ZFAND4: variants seen among roughly 807,000 people sequenced by gnomAD.
ZFAND4 encodes zinc finger AN1-type containing 4.
A neutral mutation model predicts 64.4 loss-of-function variants in ZFAND4; 43 were observed. The ratio of observed to expected loss-of-function variants is 0.67; its 90% CI spans 0.52 to 0.86. The LOEUF is 0.86. Ranked by LOEUF, ZFAND4 falls within the 40% of genes least tolerant of loss-of-function variation. The pLI is 0.00. For missense variants in ZFAND4, 929 were observed against 859.8 expected, an observed-to-expected ratio of 1.08 and a Z score of -1.01; for synonymous variants, 296 against 305.7, an observed-to-expected ratio of 0.97 and a Z score of 0.33.
At chr10:45,620,750 A>C (rs2133518514) in intron 8 of ZFAND4, 1 of 152,334 alleles carries the variant, frequency 6.6e-6, no homozygotes, top group South Asian at 2.1e-4. Flanking sequence ...AACTATCCAG[A>C]GACACTGTAA....
rs1197460081 is a variant in ZFAND4, at chr10:45,616,358, AAAAT to A, written c.*74_*77del. The A allele has an allele frequency of 3.2e-6, 5 of 1,547,892 alleles. No individual in the cohort carries two copies. In the South Asian group the frequency reaches 5.0e-5, roughly 15 times the overall value. On this transcript the variant is annotated 3_prime_UTR_variant, in exon 10 of 10. Coordinates refer to ENST00000344646, the MANE Select transcript of ZFAND4 (RefSeq NM_174890.4). ...TTGGCAAATCTTTTAGAGTCGAACA[AAAAT>A]AATAGTCTAAACAACATTTCTTCTG...
intron 6 of ZFAND4, 54 bp from the exon 7 acceptor site, chr10:45,627,159 A>C (rs1035104581): frequency 2.8e-6 from 4 of 1,435,644 alleles, no homozygotes; most frequent in Non-Finnish European, 3.7e-6. Flanking sequence ...CTGCCCATTA[A>C]CAAAAATTAG....
At chr10:45,644,818 T>G (rs960517474) in intron 5 of ZFAND4, among the ~76,000 whole-genome samples, 2 of 152,242 alleles carry the variant, frequency 1.3e-5, no homozygotes, top group South Asian at 4.1e-4. Flanking sequence ...CTATGAATAG[T>G]CTGCATGAAG....
intron 1 of ZFAND4, among the ~76,000 whole-genome samples, chr10:45,670,659 T>A (rs1392745563): frequency 6.6e-6 from 1 of 152,216 alleles, no homozygotes; most frequent in Admixed American, 6.5e-5. Context: ...GATCCCTTCC[T>A]TACACCTTAT....
At chr10:45,654,386 C>T (rs1354977351) in intron 2 of ZFAND4, among the ~76,000 whole-genome samples, 1 of 152,056 alleles carries the variant, frequency 6.6e-6, no homozygotes, top group Non-Finnish European at 1.5e-5. Flanking sequence ...TTTAGGAGGC[C>T]GAGGCAGGTG....
Position 45,672,230 on chromosome 10 carries a change from C to T in ZFAND4, c.-118+20G>A, listed in dbSNP as rs2049247012. ...AAGTATTTCAGAGCCAGCATCTCCT[C>T]GCGCCATCCAGGTACCTACACACTT... On this transcript the variant is annotated intron_variant, in intron 1 of 9. Coordinates refer to ENST00000344646, the MANE Select transcript of ZFAND4 (RefSeq NM_174890.4). 1 of 152,348 alleles carries T rather than the reference C, an allele frequency of 6.6e-6. No individual in the cohort carries two copies. The highest frequency in any genetic ancestry group is 2.4e-5 in the African/African-American group (1 of 41,468). 9.4% of individuals were successfully genotyped at this position (152,348 alleles called of 1,614,324 possible).
At position 45,622,549 on chromosome 10, in the gene ZFAND4, T is replaced by C. The variant is rs186792141; in HGVS notation, c.1927+2034A>G. On this transcript the variant is annotated intron_variant, in intron 8 of 9. Coordinates refer to ENST00000344646, the MANE Select transcript of ZFAND4 (RefSeq NM_174890.4). ...CTAATGTGTCAGGCATTCTGGACTT[T>C]CCAGTGATGCCACTGAGATAGCACC... Among the ~76,000 whole-genome samples, 276 of 152,356 alleles carry C rather than the reference T, an allele frequency of 1.8e-3. 2 individuals are homozygous for C. The highest frequency in any genetic ancestry group is 6.4e-3 in the African/African-American group (265 of 41,582).
Position 45,627,066 on chromosome 10 carries a change from C to CTA in ZFAND4, c.755_756dup (p.Ala253Ter), listed in dbSNP as rs1367690703. The stretch of plus-strand genomic sequence containing the variant: ...GTGGAACCACTAGAAGGTCGAGGAG[C>CTA]TACAGGTGGGTGAGGTTTTATCTTG... On this transcript the variant is annotated frameshift_variant, in exon 7 of 10. Transcript: ENST00000344646. LOFTEE classifies it high-confidence loss of function. The CTA allele has an allele frequency of 2.5e-6, 4 of 1,571,734 alleles. No homozygotes were observed. The African/African-American group carries it at 5.4e-5, about 21-fold the overall frequency.
At chr10:45,656,888 A>G (rs181485456) in intron 2 of ZFAND4, among the ~76,000 whole-genome samples, 8 of 152,140 alleles carry the variant, frequency 5.3e-5, no homozygotes, top group African/African-American at 9.7e-5. Context: ...AACCAGAAAG[A>G]GTGCCCTCAC....
chr10:45,639,029 G>A (rs942730599), intron 6 of ZFAND4, among the ~76,000 whole-genome samples: 2 of 152,104 alleles, frequency 1.3e-5, no homozygotes, highest in African/African-American at 4.8e-5. Flanking sequence ...CTACATGAGT[G>A]TATATAAATG....
chr10:45,660,962 C>T (rs2048434075), intron 2 of ZFAND4, among the ~76,000 whole-genome samples: 1 of 152,058 alleles, frequency 6.6e-6, no homozygotes, highest in Non-Finnish European at 1.5e-5. Flanking sequence ...ATAAAGAAAG[C>T]AAGAGGTGGA....
intron 5 of ZFAND4, among the ~76,000 whole-genome samples, chr10:45,645,515 A>C (rs1448278432): frequency 6.6e-6 from 1 of 152,196 alleles, no homozygotes; most frequent in Non-Finnish European, 1.5e-5. Flanking sequence ...AACACTTTTT[A>C]AATTTTTAAA....
At chr10:45,627,824 T>TA (rs2045942294) in intron 6 of ZFAND4, among the ~76,000 whole-genome samples, 1 of 152,208 alleles carries the variant, frequency 6.6e-6, no homozygotes, top group Admixed American at 6.5e-5. Context: ...AACTCACTGA[T>TA]AGAGGACTAA....
Position 45,652,052 on chromosome 10 carries a change from A to G in ZFAND4, c.261-19T>C. On this transcript the variant is annotated intron_variant, in intron 3 of 9. Transcript: ENST00000344646. ...TGAAATGCTGTGGATAGTTAACACA[A>G]AAATAAATCATAATCATCAAAATGC... 2 of 1,612,496 alleles carry G rather than the reference A, an allele frequency of 1.2e-6. No individual in the cohort carries two copies. Among genetic ancestry groups the G allele is most frequent in the Non-Finnish European group, 1.7e-6 (2 of 1,178,810 alleles).
intron 4 of ZFAND4, chr10:45,650,837 T>C (rs1276288779): frequency 6.6e-6 from 1 of 152,108 alleles, no homozygotes; most frequent in African/African-American, 2.4e-5. Flanking sequence ...AAATGTCACA[T>C]AGGACAATTA....
In ZFAND4 at chr10:45,648,542, T is replaced by C. The variant is rs777822440; in HGVS notation, c.329-8A>G. ...GTGGATCGTCTGTAGGAACTACAAA[T>C]GGAAAATTGAAATAAGTCTTCAATT... is the stretch of plus-strand genomic sequence containing the variant. On this transcript the variant is annotated splice_polypyrimidine_tract_variant and splice_region_variant and intron_variant, in intron 4 of 9. Coordinates refer to ENST00000344646, the MANE Select transcript of ZFAND4 (RefSeq NM_174890.4). 3 of 1,588,248 alleles carry C rather than the reference T, an allele frequency of 1.9e-6. No individual in the cohort carries two copies. The African/African-American group carries it at 4.1e-5, about 21-fold the overall frequency.
chr10:45,660,635 C>G (rs2048409244), intron 2 of ZFAND4, among the ~76,000 whole-genome samples: 1 of 151,800 alleles, frequency 6.6e-6, no homozygotes, highest in Non-Finnish European at 1.5e-5. Flanking sequence ...TGTAGAAAAG[C>G]AAAGACAAAG....
At chr10:45,640,390 A>T (rs2133700491) in intron 5 of ZFAND4, 1 of 1,271,598 alleles carries the variant, frequency 7.9e-7, no homozygotes, top group African/African-American at 1.6e-5. Context: ...GGAGAGAAGT[A>T]CAGATTTTTA....
intron 1 of ZFAND4, 52 bp from the exon 2 acceptor site, chr10:45,663,894 C>T (rs1400391409): frequency 1.9e-6 from 1 of 534,564 alleles, no homozygotes; most frequent in Non-Finnish European, 3.1e-6. Flanking sequence ...TGTATTTGTC[C>T]ATAAAGATTT....
Sources: allele counts gnomAD v4.1 joint callset (sites outside exome capture counted in the v4.1 genomes callset), GRCh38; gene constraint gnomAD v4.1.1; transcripts MANE v1.5; gene names NCBI Gene and HGNC (gene_info 2026-07-23, HGNC 2026-07-21).